Variants in CFAP43 observed in about 807,000 individuals in gnomAD.
CFAP43 encodes the protein cilia- and flagella-associated protein 43.
A neutral mutation model predicts 218.9 loss-of-function variants in CFAP43; 155 were observed. The ratio of observed to expected loss-of-function variants is 0.71; its 90% CI spans 0.62 to 0.81. The LOEUF is 0.81. Among genes scored for constraint, CFAP43 ranks in the 30% least tolerant of loss-of-function variants. CFAP43 has a pLI of 0.00. For synonymous variants in CFAP43, 645 were observed against 681.3 expected, an observed-to-expected ratio of 0.95 and a Z score of 0.83; for missense variants, 1,778 against 1,954.3, an observed-to-expected ratio of 0.91 and a Z score of 1.70.
rs1440796756 is a variant in CFAP43, at chr10:104,143,494, C to T, written c.4090G>A (p.Gly1364Ser). 2.5e-6 allele frequency: 4 copies of T among 1,614,198 alleles called. No homozygotes were observed. In the African/African-American group the frequency reaches 4.0e-5, roughly 16 times the overall value. Residue 1364 changes from glycine to serine, a missense_variant, in exon 32 of 38, where the codon GGC (glycine) becomes AGC (serine). By Grantham distance (56) the Gly-to-Ser change is moderately conservative. Transcript: ENST00000357060. ...ELDNISNMPE[G>S]LDPLVWNHFC... ...TGATTCCAGACCAAAGGGTCCAAGC[C>T]TTCTGGCATGTTACTAATATTGTCC...
rs772492115 is a variant in CFAP43, at chr10:104,161,146, G to A, written c.3431C>T (p.Ala1144Val). The change falls in exon 27 of 38, where the codon GCT becomes GTT. Residue 1144 changes from alanine to valine, a missense_variant. Ala to Val is a moderately conservative substitution (Grantham distance 64). This residue lies in a region of CFAP43 where 1,553 missense variants were observed against 1,685.2 expected (regional missense o/e 0.92). Coordinates refer to ENST00000357060, the MANE Select transcript of CFAP43 (RefSeq NM_025145.7). ...DILRMVIPQP[A>V]FMAKPDAVWT... ...CACAGCATCAGGTTTTGCCATGAAA[G>A]CAGGTTGAGGAATCACCTGAAGATA... The A allele has an allele frequency of 1.1e-5, 18 of 1,613,628 alleles. No individual in the cohort carries two copies. The highest frequency in any genetic ancestry group is 1.5e-5 in the Non-Finnish European group (18 of 1,179,808).
chr10:104,199,945 T>C (rs995544251), intron 8 of CFAP43, among the ~76,000 whole-genome samples: 6 of 152,174 alleles, frequency 3.9e-5, no homozygotes, highest in South Asian at 2.1e-4. Context: ...ATAAGTTTTA[T>C]TGGGGGGTCT....
At chr10:104,142,239 T>G in intron 33 of CFAP43, 42 bp downstream of exon 33, 1 of 1,555,584 alleles carries the variant, frequency 6.4e-7, no homozygotes, top group Non-Finnish European at 8.8e-7. Flanking sequence ...TAGCCCTAAT[T>G]AGACTTTGAA....
chr10:104,229,803 C>T (rs1026647697), intron 2 of CFAP43, among the ~76,000 whole-genome samples: 3 of 152,174 alleles, frequency 2.0e-5, no homozygotes, highest in Admixed American at 2.0e-4. Flanking sequence ...ATCTTTATCC[C>T]TATTTCATGA....
intron 34 of CFAP43, among the ~76,000 whole-genome samples, chr10:104,135,798 T>G (rs970381813): frequency 2.6e-5 from 4 of 151,988 alleles, no homozygotes; most frequent in Non-Finnish European, 4.4e-5. Flanking sequence ...AATCTATAGA[T>G]TTAATGCAAT....
Position 104,162,348 on chromosome 10 carries a change from T to G in CFAP43, c.3302A>C (p.Asn1101Thr), listed in dbSNP as rs757710606. 1.2e-6 allele frequency: 2 copies of G among 1,614,112 alleles called. No homozygotes were observed. The highest frequency in any genetic ancestry group is 1.7e-6 in the Non-Finnish European group (2 of 1,180,032). ...PWHKAKELIV[N>T]HEKEHWLLIQ... The stretch of plus-strand genomic sequence containing the variant: ...CAGAAGCCAGTGCTCCTTTTCATGA[T>G]TCACGATCAATTCTTTGGCTTTGTG... Residue 1101 changes from asparagine (N) to threonine (T), a missense_variant, in exon 25 of 38, where the codon AAT becomes ACT. Physicochemically the swap from Asn to Thr is moderately conservative, Grantham distance 65. Coordinates refer to ENST00000357060, the MANE Select transcript of CFAP43 (RefSeq NM_025145.7).
intron 12 of CFAP43, among the ~76,000 whole-genome samples, chr10:104,189,720 G>A (rs1003416380): frequency 6.6e-6 from 1 of 152,086 alleles, no homozygotes; most frequent in Non-Finnish European, 1.5e-5. Flanking sequence ...ATTAAAAATG[G>A]GGCAGGGAAC....
intron 3 of CFAP43, among the ~76,000 whole-genome samples, chr10:104,216,875 C>G (rs1318854356): frequency 2.0e-5 from 3 of 152,122 alleles, no homozygotes; most frequent in African/African-American, 7.2e-5. Flanking sequence ...TCCAAGGAAC[C>G]AGGCTGAGGC....
At chr10:104,132,762 A>C (rs2087257564) in intron 35 of CFAP43, 1 of 978,810 alleles carries the variant, frequency 1.0e-6, no homozygotes, top group Admixed American at 6.3e-5. Context: ...TAATTCATTT[A>C]TTCAACTCAC....
At chr10:104,204,698 G>C (rs554336870) in intron 7 of CFAP43, among the ~76,000 whole-genome samples, 6 of 152,188 alleles carry the variant, frequency 3.9e-5, no homozygotes, top group Non-Finnish European at 7.4e-5. Context: ...CTGCAAGGTT[G>C]GGGGAGCTAA....
chr10:104,166,453 A>C, intron 23 of CFAP43, 35 bp downstream of exon 23: 1 of 1,522,560 alleles, frequency 6.6e-7, no homozygotes, highest in Non-Finnish European at 9.0e-7. Flanking sequence ...TGGGGAGTCT[A>C]GAGATTTTTC....
intron 18 of CFAP43, 65 bp from the exon 19 acceptor site, chr10:104,179,171 GA>G: frequency 7.3e-7 from 1 of 1,377,958 alleles, no homozygotes; most frequent in South Asian, 1.2e-5. Context: ...GAGAGAGAGA[GA>G]GAGAGAGAGC....
At chr10:104,135,575 T>C (rs1444987713) in intron 34 of CFAP43, among the ~76,000 whole-genome samples, 1 of 152,224 alleles carries the variant, frequency 6.6e-6, no homozygotes, top group African/African-American at 2.4e-5. Flanking sequence ...GTTATATTTT[T>C]ATACATCACC....
At position 104,182,438 on chromosome 10, in the gene CFAP43, C is replaced by T. The variant is rs1412982478; in HGVS notation, c.2217G>A (p.Met739Ile). The change falls in exon 17 of 38, where the codon ATG becomes ATA. Residue 739 changes from methionine (M) to isoleucine (I), a missense_variant. Coordinates refer to ENST00000357060, the MANE Select transcript of CFAP43 (RefSeq NM_025145.7). Reference sequence around the variant, plus strand: ...TGCTTAAATAATGATTCTCCTTGTCCATGGCGCTGCTCAGGGAAATTAATA... The same window carrying T: ...TGCTTAAATAATGATTCTCCTTGTCTATGGCGCTGCTCAGGGAAATTAATA... ...QKLLISLSSA[M>I]DKENHYLSTT... 6.2e-7 allele frequency: 1 copy of T among 1,612,716 alleles called. No homozygotes were observed. Among genetic ancestry groups the T allele is most frequent in the Non-Finnish European group, 8.5e-7 (1 of 1,179,558 alleles).
intron 19 of CFAP43, among the ~76,000 whole-genome samples, chr10:104,176,498 T>G (rs1377918229): frequency 1.3e-5 from 2 of 152,184 alleles, no homozygotes; most frequent in East Asian, 1.9e-4. Flanking sequence ...TATTTAAAAT[T>G]TGGCACATTA....
intron 19 of CFAP43, among the ~76,000 whole-genome samples, chr10:104,178,073 A>C (rs951269868): frequency 1.3e-5 from 2 of 152,230 alleles, no homozygotes; most frequent in African/African-American, 2.4e-5. Flanking sequence ...ACAACACAGC[A>C]GTCCTGCATA....
chr10:104,145,699 G>A (rs1589634321), intron 30 of CFAP43, 135 bp from the exon 31 acceptor site: 2 of 527,174 alleles, frequency 3.8e-6, no homozygotes, highest in Non-Finnish European at 6.7e-6. Context: ...AAAGTTGTTA[G>A]ACATTAACCA....
At position 104,133,619 on chromosome 10, in the gene CFAP43, C is replaced by A. The variant is rs1564704975; in HGVS notation, c.4596+1G>T. On this transcript the variant is annotated splice_donor_variant, in intron 35 of 37. Coordinates refer to ENST00000357060, the MANE Select transcript of CFAP43 (RefSeq NM_025145.7). LOFTEE classifies it high-confidence loss of function. ...TATGTAGGGGGGTAGGGAGAATTTA[C>A]CTTTTGACGATCTCTTGAAAAAAAT... 1 of 1,609,530 alleles carries A rather than the reference C, an allele frequency of 6.2e-7. No homozygotes were observed. Among genetic ancestry groups the A allele is most frequent in the Non-Finnish European group, 8.5e-7 (1 of 1,178,172 alleles).
chr10:104,186,642 C>T (rs930205028), intron 14 of CFAP43, among the ~76,000 whole-genome samples: 4 of 152,136 alleles, frequency 2.6e-5, no homozygotes, highest in African/African-American at 9.7e-5. Context: ...TTTTCAAAGT[C>T]CAGATCAAAT....
Sources: gnomAD v4.1 joint callset for allele counts (sites outside exome capture counted in the v4.1 genomes callset) on GRCh38, gnomAD v4.1.1 for gene constraint, gnomAD v4.1.1 regional missense constraint, MANE v1.5 for transcripts, NCBI Gene and HGNC (gene_info 2026-07-23, HGNC 2026-07-21) for gene names.